The following PRKAR2B variants were observed in gnomAD, a reference collection of about 807,000 sequenced individuals.
The protein encoded by PRKAR2B is cAMP-dependent protein kinase type II-beta regulatory subunit.
In PRKAR2B, 14 loss-of-function variants were observed where a neutral mutation model predicts 49.9. The ratio of observed to expected loss-of-function variants is 0.28; its 90% CI spans 0.19 to 0.44. PRKAR2B has a LOEUF of 0.44. Among genes scored for constraint, PRKAR2B ranks in the 20% least tolerant of loss-of-function variants. The pLI is 1.00. For missense variants in PRKAR2B, 393 were observed against 537.9 expected (o/e 0.73, Z 2.67); for synonymous variants, 196 against 197.7 (o/e 0.99, Z 0.07).
At chr7:107,135,749 T>C (rs978390755) in intron 4 of PRKAR2B, among the ~76,000 whole-genome samples, 1 of 152,200 alleles carries the variant, frequency 6.6e-6, no homozygotes, top group Admixed American at 6.5e-5. Context: ...GAGATTTCCA[T>C]GTTCATGGAT....
intron 2 of PRKAR2B, among the ~76,000 whole-genome samples, chr7:107,096,907 G>A (rs1006989187): frequency 2.6e-5 from 4 of 152,176 alleles, no homozygotes; most frequent in Non-Finnish European, 5.9e-5. Flanking sequence ...TTTTACACTT[G>A]CTGAGGGGTG....
intron 3 of PRKAR2B, among the ~76,000 whole-genome samples, chr7:107,123,474 C>T (rs891159066): frequency 2.0e-5 from 3 of 152,188 alleles, no homozygotes; most frequent in African/African-American, 7.2e-5. Context: ...TCATATTGAA[C>T]TGCAGAAAGC....
At chr7:107,121,472 C>A (rs994693274) in intron 2 of PRKAR2B, among the ~76,000 whole-genome samples, 4 of 152,018 alleles carry the variant, frequency 2.6e-5, no homozygotes, top group African/African-American at 9.6e-5. Context: ...TAAACTCAAC[C>A]CAGAAAAAAG....
chr7:107,094,794 G>T (rs539276723), intron 2 of PRKAR2B, among the ~76,000 whole-genome samples: 7 of 152,170 alleles, frequency 4.6e-5, no homozygotes, highest in Admixed American at 3.9e-4. Context: ...TTTTTCTCAG[G>T]TTTGTCAAAG....
At chr7:107,128,320 A>G (rs759541722) in intron 4 of PRKAR2B, 25 bp downstream of exon 4, 1 of 1,555,324 alleles carries the variant, frequency 6.4e-7, no homozygotes, top group South Asian at 1.1e-5. Context: ...AATAATAGAA[A>G]TGGCTTTGTT....
chr7:107,100,046 T>C (rs1452853355), intron 2 of PRKAR2B, among the ~76,000 whole-genome samples: 5 of 152,186 alleles, frequency 3.3e-5, no homozygotes, highest in Non-Finnish European at 5.9e-5. Context: ...ACATGGTTTA[T>C]AAATATTTTA....
intron 2 of PRKAR2B, among the ~76,000 whole-genome samples, chr7:107,078,556 T>TA (rs1416120935): frequency 1.3e-5 from 2 of 152,322 alleles, no homozygotes; most frequent in East Asian, 3.9e-4. Flanking sequence ...AGTATTATAA[T>TA]AAAATGGGTT....
intron 4 of PRKAR2B, among the ~76,000 whole-genome samples, chr7:107,129,821 G>A (rs891313805): frequency 1.2e-4 from 18 of 152,172 alleles, no homozygotes; most frequent in Admixed American, 3.9e-4. Context: ...CATTGCCATG[G>A]CATTTGTAAA....
intron 3 of PRKAR2B, among the ~76,000 whole-genome samples, chr7:107,126,433 A>AAAAAAAAAAAAAAAAAAAAAAAAAAG: frequency 6.7e-6 from 1 of 150,348 alleles, no homozygotes; most frequent in African/African-American, 2.4e-5. Context: ...AAAAAAAAAA[A>AAAAAAAAAAAAAAAAAAAAAAAAAAG]AAAAAAAAAA....
chr7:107,050,333 C>CTTTTT lies in PRKAR2B; in HGVS notation c.307+5144_307+5148dup, dbSNP rs57752789. On this transcript the variant is annotated intron_variant, in intron 1 of 10. Transcript: ENST00000265717. The stretch of plus-strand genomic sequence containing the variant: ...TTATTTTAGATAAGACAGTTACCAG[C>CTTTTT]TTTTTTTTTTTTTTTTTTTTTTTTT... 7.0e-3 allele frequency among the ~76,000 whole-genome samples: 477 copies of CTTTTT among 68,598 alleles called. 102 individuals carry two copies. The highest frequency in any genetic ancestry group is 0.031 in the African/African-American group (426 of 13,960). The allele number at this position is 68,598 out of a possible 152,430, so 45.0% of individuals were successfully genotyped here.
chr7:107,084,916 C>G (rs1416768650), intron 2 of PRKAR2B, among the ~76,000 whole-genome samples: 2 of 152,014 alleles, frequency 1.3e-5, no homozygotes, highest in Non-Finnish European at 2.9e-5. Context: ...TGAGCCACCA[C>G]GCCCGGCCTA....
At chr7:107,091,157 A>T (rs1166326474) in intron 2 of PRKAR2B, among the ~76,000 whole-genome samples, 4 of 152,212 alleles carry the variant, frequency 2.6e-5, no homozygotes, top group Non-Finnish European at 4.4e-5. Flanking sequence ...TCTAATTTGT[A>T]AGAGCACTGG....
intron 2 of PRKAR2B, among the ~76,000 whole-genome samples, chr7:107,099,791 T>G (rs1794923089): frequency 6.6e-6 from 1 of 151,994 alleles, no homozygotes; most frequent in Non-Finnish European, 1.5e-5. Flanking sequence ...CCCACCACCA[T>G]GCCTGGCTAA....
At chr7:107,097,196 G>A (rs1334854871) in intron 2 of PRKAR2B, among the ~76,000 whole-genome samples, 1 of 152,188 alleles carries the variant, frequency 6.6e-6, no homozygotes, top group Non-Finnish European at 1.5e-5. Flanking sequence ...GGGTGCTCCT[G>A]TATTGGGTGC....
At chr7:107,055,465 C>T (rs1292382135) in intron 1 of PRKAR2B, among the ~76,000 whole-genome samples, 3 of 152,190 alleles carry the variant, frequency 2.0e-5, no homozygotes, top group Non-Finnish European at 4.4e-5. Context: ...CACATCCTCT[C>T]CAGCACCTGT....
intron 2 of PRKAR2B, among the ~76,000 whole-genome samples, chr7:107,103,038 G>C (rs1022524418): frequency 1.3e-5 from 2 of 152,102 alleles, no homozygotes; most frequent in Non-Finnish European, 2.9e-5. Flanking sequence ...CCAAAAAAGA[G>C]ATAATTATAA....
intron 2 of PRKAR2B, among the ~76,000 whole-genome samples, chr7:107,114,325 TGTGTG>T (rs1795228633): frequency 4.2e-4 from 1 of 2,376 alleles, no homozygotes; most frequent in South Asian, 0.028. Flanking sequence ...CATGTACAGC[TGTGTG>T]TGTGTGTGTG....
At chr7:107,052,960 G>T (rs944590103) in intron 1 of PRKAR2B, among the ~76,000 whole-genome samples, 2 of 152,186 alleles carry the variant, frequency 1.3e-5, no homozygotes, top group Non-Finnish European at 2.9e-5. Context: ...TTCCTGAGTA[G>T]CTGGGATTAC....
At chr7:107,097,143 C>T (rs1320277927) in intron 2 of PRKAR2B, among the ~76,000 whole-genome samples, 3 of 152,138 alleles carry the variant, frequency 2.0e-5, no homozygotes, top group Admixed American at 6.5e-5. Context: ...GTGTGGGAGT[C>T]TAAGTCTCTT....
Sources: gnomAD v4.1 joint callset for allele counts (sites outside exome capture counted in the v4.1 genomes callset) on GRCh38, gnomAD v4.1.1 for gene constraint, MANE v1.5 for transcripts, NCBI Gene and HGNC (gene_info 2026-07-23, HGNC 2026-07-21) for gene names.